Variants in OLFM2 observed in about 807,000 individuals in gnomAD.
OLFM2 encodes the protein olfactomedin 2, also known as noelin-2.
OLFM2 carries 20 observed loss-of-function variants against 43.9 expected under a neutral mutation model. The ratio of observed to expected loss-of-function variants is 0.46; its 90% CI spans 0.32 to 0.66. The LOEUF is 0.66. OLFM2 is among the 30% of genes least tolerant of loss of function. The pLI is 0.04. For missense variants in OLFM2, 416 were observed against 643.6 expected (o/e 0.65, Z 3.83); for synonymous variants, 268 against 278.6 (o/e 0.96, Z 0.38).
At chr19:9,875,818 G>GT (rs1221350069) in intron 1 of OLFM2, among the ~76,000 whole-genome samples, 2 of 152,024 alleles carry the variant, frequency 1.3e-5, no homozygotes, top group African/African-American at 4.8e-5. Context: ...TGAATTAGCA[G>GT]TTTTATTTCC....
intron 1 of OLFM2, among the ~76,000 whole-genome samples, chr19:9,872,867 C>T (rs886464133): frequency 9.9e-5 from 15 of 152,118 alleles, no homozygotes; most frequent in African/African-American, 3.6e-4. Context: ...TCCATCTATC[C>T]ATCCATCCAT....
intron 1 of OLFM2, among the ~76,000 whole-genome samples, chr19:9,899,670 G>A (rs751089413): frequency 2.2e-4 from 33 of 152,000 alleles, no homozygotes; most frequent in Non-Finnish European, 4.0e-4. Context: ...TCCCATTTCA[G>A]CCTCCCAAGT....
intron 1 of OLFM2, among the ~76,000 whole-genome samples, chr19:9,932,701 CT>C (rs2086490369): frequency 1.3e-5 from 2 of 152,158 alleles, no homozygotes; most frequent in Non-Finnish European, 2.9e-5. Flanking sequence ...TCCCCATCCT[CT>C]GAAAGCCCCA....
chr19:9,895,882 C>T (rs1433001138), intron 1 of OLFM2, among the ~76,000 whole-genome samples: 5 of 152,066 alleles, frequency 3.3e-5, no homozygotes, highest in East Asian at 3.9e-4. Flanking sequence ...GTGATTCACC[C>T]GCCTTGGCCT....
intron 1 of OLFM2, among the ~76,000 whole-genome samples, chr19:9,911,317 A>C (rs1183511736): frequency 1.3e-5 from 2 of 152,062 alleles, no homozygotes; most frequent in Admixed American, 6.6e-5. Flanking sequence ...GTACCTTAAC[A>C]TCTCACTTCT....
intron 1 of OLFM2, among the ~76,000 whole-genome samples, chr19:9,892,711 A>T (rs7258340): frequency 0.52 from 78,916 of 151,902 alleles, 21,054 homozygotes; most frequent in Admixed American, 0.61. Context: ...TCAAATAAAA[A>T]TAAAATTCTC....
At chr19:9,900,028 T>C (rs993832346) in intron 1 of OLFM2, among the ~76,000 whole-genome samples, 2 of 152,162 alleles carry the variant, frequency 1.3e-5, no homozygotes, top group Admixed American at 1.3e-4. Flanking sequence ...TAAATATCTG[T>C]TGACCGAATT....
chr19:9,917,012 C>A (rs138540805), intron 1 of OLFM2, among the ~76,000 whole-genome samples: 4 of 152,234 alleles, frequency 2.6e-5, no homozygotes, highest in African/African-American at 9.6e-5. Flanking sequence ...TCTTTCAGGG[C>A]TTTGTCCTGG....
chr19:9,861,232 T>C (rs1331566224), intron 1 of OLFM2, among the ~76,000 whole-genome samples: 1 of 150,858 alleles, frequency 6.6e-6, no homozygotes, highest in African/African-American at 2.4e-5. Context: ...TTGTTTTTTG[T>C]TGTTGTTTGT....
At chr19:9,934,841 T>C (rs1343597747) in intron 1 of OLFM2, among the ~76,000 whole-genome samples, 10 of 152,322 alleles carry the variant, frequency 6.6e-5, no homozygotes, top group Admixed American at 1.3e-4. Context: ...ATCTGGAGTC[T>C]AACCTCCATT....
intron 1 of OLFM2, among the ~76,000 whole-genome samples, chr19:9,867,753 A>G (rs1246261655): frequency 6.6e-6 from 1 of 152,184 alleles, no homozygotes; most frequent in Non-Finnish European, 1.5e-5. Flanking sequence ...TGCAATTTGC[A>G]TTTTATTCGG....
intron 1 of OLFM2, among the ~76,000 whole-genome samples, chr19:9,928,577 G>C (rs2086466024): frequency 1.3e-5 from 2 of 151,930 alleles, no homozygotes; most frequent in African/African-American, 2.4e-5. Context: ...GGCCAAGGTG[G>C]GTGGATCACT....
Position 9,854,213 on chromosome 19 carries a change from G to A in OLFM2, c.1338C>T (p.His446=), listed in dbSNP as rs374973245. ...AGGGGTCCCCAGAGGTGCTGATGAC[G>A]TGAAACAGGGTGACATTGTAGAGCA... ...HQVLYNVTLF[H]VISTSGDP is the part of the protein sequence containing the mutation. Residue 446 remains histidine (H), a synonymous_variant, in exon 6 of 6, where the codon CAC becomes CAT. Transcript: ENST00000264833. This position sits in a 1 kb window ranked among gnomAD's most constrained non-coding sequence, Gnocchi z 9.5. 912 of 1,614,130 alleles carry A rather than the reference G, an allele frequency of 5.7e-4. 14 individuals carry two copies. The South Asian group carries it at 7.7e-3, about 14-fold the overall frequency.
At position 9,888,921 on chromosome 19, in the gene OLFM2, C is replaced by T. The variant is rs891183748; in HGVS notation, c.64-28127G>A. Among the ~76,000 whole-genome samples the T allele has an allele frequency of 2.6e-5, 4 of 152,074 alleles. No individual in the cohort carries two copies. In the East Asian group the frequency reaches 5.8e-4, roughly 22 times the overall value. ...CTCTACTAAAAATGTAAAAAATTAG[C>T]CGGGCATGGTGGCGGGTGCCTGTAG... On this transcript the variant is annotated intron_variant, in intron 1 of 5. Coordinates refer to ENST00000264833, the MANE Select transcript of OLFM2 (RefSeq NM_058164.4).
chr19:9,929,766 G>A (rs1191187295), intron 1 of OLFM2, among the ~76,000 whole-genome samples: 6 of 152,004 alleles, frequency 3.9e-5, no homozygotes, highest in Admixed American at 2.0e-4. Context: ...CAGGCCAGGC[G>A]TGGTGGCTCA....
chr19:9,904,180 G>GTGTGTGTGTA (rs1303368874), intron 1 of OLFM2, among the ~76,000 whole-genome samples: 10 of 150,880 alleles, frequency 6.6e-5, no homozygotes, highest in African/African-American at 2.2e-4. Context: ...GTGTGTGTGT[G>GTGTGTGTGTA]TGTGTGTGTG....
intron 1 of OLFM2, among the ~76,000 whole-genome samples, chr19:9,933,699 G>A (rs977175524): frequency 2.6e-5 from 4 of 151,564 alleles, no homozygotes; most frequent in African/African-American, 9.7e-5. Flanking sequence ...GGGATTACAG[G>A]CGCCTGCCAC....
chr19:9,918,897 G>A (rs535943589), intron 1 of OLFM2, among the ~76,000 whole-genome samples: 4 of 152,246 alleles, frequency 2.6e-5, no homozygotes, highest in African/African-American at 9.6e-5. Context: ...TGGGCACGGG[G>A]GCTGTTTTGG....
intron 1 of OLFM2, among the ~76,000 whole-genome samples, chr19:9,896,442 G>C (rs1445361087): frequency 6.6e-6 from 1 of 152,126 alleles, no homozygotes; most frequent in Non-Finnish European, 1.5e-5. Flanking sequence ...CTGTTACCCA[G>C]GCTGGAGTGC....
Sources: gnomAD v4.1 joint callset for allele counts (sites outside exome capture counted in the v4.1 genomes callset) on GRCh38, gnomAD v4.1.1 for gene constraint, Gnocchi (gnomAD v3.1) non-coding constraint, MANE v1.5 for transcripts, NCBI Gene and HGNC (gene_info 2026-07-23, HGNC 2026-07-21) for gene names.